The following ADAMTS9 variants were observed in gnomAD, a reference collection of about 807,000 sequenced individuals.
ADAMTS9 encodes ADAM metallopeptidase with thrombospondin type 1 motif 9.
ADAMTS9 carries 107 observed loss-of-function variants against 257.1 expected under a neutral mutation model. The observed-to-expected ratio is 0.42, with a 90% confidence interval of 0.36 to 0.49. The LOEUF (loss-of-function observed/expected upper bound fraction) is 0.49. Ranked by LOEUF, ADAMTS9 falls within the 20% of genes least tolerant of loss-of-function variation. The pLI, the probability that ADAMTS9 is intolerant of heterozygous loss-of-function variation, is 0.03. For missense variants in ADAMTS9, 2,353 were observed against 2,469.1 expected (o/e 0.95, Z 1.00); for synonymous variants, 982 against 880.9 (o/e 1.11, Z -2.03).
intron 28 of ADAMTS9, among the ~76,000 whole-genome samples, chr3:64,590,908 A>T (rs1188887069): frequency 6.6e-6 from 1 of 152,162 alleles, no homozygotes; most frequent in African/African-American, 2.4e-5. Flanking sequence ...TGCACAAAGG[A>T]ACACCGAAGA....
rs1349768018 is a variant in ADAMTS9 at position 64,649,643 on chromosome 3, T to C, written c.1599A>G (p.Pro533=). Residue 533 remains proline, a synonymous_variant, in exon 10 of 40, where the codon CCA becomes CCG. Transcript: ENST00000498707. ...LIFGPGSQVC[P]YMMQCRRLWC... is the part of the protein sequence containing the mutation. ...GTGGCCCTCCTACACTTACCATATA[T>C]GGGCACACCTGAGAACCTGGTCCAA... is the stretch of plus-strand genomic sequence containing the variant. The C allele has an allele frequency of 6.2e-7, 1 of 1,612,872 alleles. No individual in the cohort carries two copies. Among genetic ancestry groups the C allele is most frequent in the Non-Finnish European group, 8.5e-7 (1 of 1,179,478 alleles).
In ADAMTS9 at chr3:64,522,173, A is replaced by G; in HGVS notation, c.5806T>C (p.Ter1936GlnextTer13). ...AGACATAGGACTACTTACCTTAGCT[A>G]TAAAACTCGCACCTCCAGGCCAGTA... ...SGTGLEVRVL[*>Q] The change falls in exon 39 of 40, where the codon TAG becomes CAG. Residue 1936 changes from the stop codon to glutamine (Q), a stop_lost. Coordinates refer to ENST00000498707, the MANE Select transcript of ADAMTS9 (RefSeq NM_182920.2). 1 of 1,613,890 alleles carries G rather than the reference A, an allele frequency of 6.2e-7. No individual in the cohort carries two copies. Among genetic ancestry groups the G allele is most frequent in the Non-Finnish European group, 8.5e-7 (1 of 1,179,808 alleles).
At chr3:64,586,441 A>T (rs1023037872) in intron 28 of ADAMTS9, among the ~76,000 whole-genome samples, 1 of 152,144 alleles carries the variant, frequency 6.6e-6, no homozygotes, top group East Asian at 1.9e-4. Flanking sequence ...AGGGAGAATC[A>T]TTTGAACTAT....
chr3:64,582,253 T>C (rs1405425238), intron 28 of ADAMTS9, among the ~76,000 whole-genome samples: 1 of 152,160 alleles, frequency 6.6e-6, no homozygotes, highest in Non-Finnish European at 1.5e-5. Context: ...GAAGTTCATG[T>C]ATAGGAAAGC....
At chr3:64,619,891 T>C (rs1700063095) in intron 19 of ADAMTS9, among the ~76,000 whole-genome samples, 1 of 152,164 alleles carries the variant, frequency 6.6e-6, no homozygotes, top group East Asian at 1.9e-4. Flanking sequence ...TAACTAATTA[T>C]TTTTTCCTGA....
At chr3:64,604,862 A>C (rs1471379210) in intron 23 of ADAMTS9, among the ~76,000 whole-genome samples, 2 of 152,222 alleles carry the variant, frequency 1.3e-5, no homozygotes, top group East Asian at 3.8e-4. Flanking sequence ...AACACCCCTC[A>C]ATCATGCAGA....
intron 12 of ADAMTS9, 82 bp from the exon 13 acceptor site, chr3:64,633,961 C>T: frequency 7.7e-7 from 1 of 1,302,148 alleles, no homozygotes; most frequent in Non-Finnish European, 1.1e-6. Context: ...TCATGACTTC[C>T]TGTCTTCTAG....
Position 64,633,513 on chromosome 3 carries a change from C to A in ADAMTS9, c.2134G>T (p.Gly712Cys), listed in dbSNP as rs1341862965. The change falls in exon 14 of 40, where the codon GGC becomes TGC. Residue 712 changes from glycine to cysteine, a missense_variant. Physicochemically the swap from Gly to Cys is radical, Grantham distance 159. This residue lies in a region of ADAMTS9 where 360 missense variants were observed against 458.1 expected (regional missense o/e 0.79). Transcript: ENST00000498707. ...RDRVIDGTPCGQDTNDICVQG... is the reference protein window; with the variant it reads ...RDRVIDGTPCCQDTNDICVQG... Reference sequence around the variant, plus strand: ...ACACAGATATCATTTGTGTCCTGGCCACAAGGAGTTCCATCTATCACTCTG... The same window carrying A: ...ACACAGATATCATTTGTGTCCTGGCAACAAGGAGTTCCATCTATCACTCTG... 1 of 1,614,080 alleles carries A rather than the reference C, an allele frequency of 6.2e-7. No homozygotes were observed. The highest frequency in any genetic ancestry group is 1.7e-5 in the Admixed American group (1 of 60,008).
chr3:64,572,179 T>C (rs1334093007), intron 28 of ADAMTS9, among the ~76,000 whole-genome samples: 1 of 152,210 alleles, frequency 6.6e-6, no homozygotes, highest in Non-Finnish European at 1.5e-5. Flanking sequence ...TCTCTGTTTG[T>C]TACTTAGCAG....
Position 64,618,796 on chromosome 3 carries a change from T to C in ADAMTS9, c.2813+2318A>G, listed in dbSNP as rs886504092. ...CATCATGTAACTCCACGTAAACCAATGAGCGGAAATCTATTTGAGATCTTT... is the reference window on the plus strand; with the variant it reads ...CATCATGTAACTCCACGTAAACCAACGAGCGGAAATCTATTTGAGATCTTT... On this transcript the variant is annotated intron_variant, in intron 19 of 39. Transcript: ENST00000498707. 2.6e-5 allele frequency among the ~76,000 whole-genome samples: 4 copies of C among 152,148 alleles called. 1 individual carries two copies. The highest frequency in any genetic ancestry group is 6.3e-3 in the Middle Eastern group (2 of 316).
chr3:64,541,068 T>C, intron 36 of ADAMTS9, 27 bp downstream of exon 36: 1 of 1,612,840 alleles, frequency 6.2e-7, no homozygotes, highest in Non-Finnish European at 8.5e-7. Context: ...AACGCACACG[T>C]TCCCAAAGGA....
At chr3:64,518,092 C>T (rs2082803377) in intron 39 of ADAMTS9, among the ~76,000 whole-genome samples, 1 of 152,128 alleles carries the variant, frequency 6.6e-6, no homozygotes, top group Non-Finnish European at 1.5e-5. Context: ...TGATGTAATC[C>T]TAGAGCTGCC....
At chr3:64,608,422 G>C (rs761923746) in intron 22 of ADAMTS9, among the ~76,000 whole-genome samples, 9 of 151,856 alleles carry the variant, frequency 5.9e-5, no homozygotes, top group Non-Finnish European at 1.2e-4. Context: ...GCACGACTAA[G>C]AAAAAATGAG....
intron 28 of ADAMTS9, among the ~76,000 whole-genome samples, chr3:64,569,692 T>C (rs1326267505): frequency 6.6e-6 from 1 of 152,218 alleles, no homozygotes; most frequent in Non-Finnish European, 1.5e-5. Context: ...CACAAACCAC[T>C]ATAAAAAGTT....
intron 31 of ADAMTS9, 48 bp from the exon 32 acceptor site, chr3:64,547,000 C>A (rs1268670958): frequency 6.4e-7 from 1 of 1,551,172 alleles, no homozygotes; most frequent in African/African-American, 1.4e-5. Flanking sequence ...TTCCTGGGGG[C>A]AGCCCACAAT....
chr3:64,597,080 G>A, intron 26 of ADAMTS9, 89 bp from the exon 27 acceptor site: 2 of 1,522,706 alleles, frequency 1.3e-6, no homozygotes, highest in Non-Finnish European at 1.8e-6. Context: ...AGACAAATGT[G>A]CTGAAAAGCA....
intron 6 of ADAMTS9, 114 bp from the exon 7 acceptor site, chr3:64,654,726 T>TA (rs1201191433): frequency 1.7e-6 from 2 of 1,154,350 alleles, no homozygotes; most frequent in African/African-American, 1.6e-5. Context: ...GGGTGGGGGT[T>TA]AAAAAAAGCA....
chr3:64,682,010 A>G (rs1326450674), intron 2 of ADAMTS9, among the ~76,000 whole-genome samples: 1 of 152,224 alleles, frequency 6.6e-6, no homozygotes, highest in East Asian at 1.9e-4. Context: ...AAATTCAAGA[A>G]GCATATGTTG....
chr3:64,665,430 T>C (rs1325181560), intron 3 of ADAMTS9, among the ~76,000 whole-genome samples: 2 of 152,178 alleles, frequency 1.3e-5, no homozygotes, highest in Non-Finnish European at 2.9e-5. Flanking sequence ...CAGTACCTAT[T>C]TCATAGAGTG....
Sources: gnomAD v4.1 joint callset for allele counts (sites outside exome capture counted in the v4.1 genomes callset) on GRCh38, gnomAD v4.1.1 for gene constraint, gnomAD v4.1.1 regional missense constraint, MANE v1.5 for transcripts, NCBI Gene and HGNC (gene_info 2026-07-23, HGNC 2026-07-21) for gene names.